Variants in ERICH6 observed in about 807,000 individuals in gnomAD.
ERICH6 encodes glutamate rich 6.
ERICH6 carries 71 observed loss-of-function variants against 71.0 expected under a neutral mutation model. The ratio of observed to expected loss-of-function variants is 1.00; its 90% CI spans 0.83 to 1.22. The LOEUF (loss-of-function observed/expected upper bound fraction) is 1.22, where lower values mean the gene tolerates loss of function less well. Among genes scored for constraint, ERICH6 ranks in the 50% most tolerant of loss-of-function variants. The pLI is 0.00. For missense variants in ERICH6, 808 were observed against 797.2 expected (o/e 1.01, Z -0.16); for synonymous variants, 262 against 278.4 (o/e 0.94, Z 0.59).
At chr3:150,685,898 T>C (rs1231118570) in intron 5 of ERICH6, 40 bp from the exon 6 acceptor site, 5 of 1,607,450 alleles carry the variant, frequency 3.1e-6, no homozygotes, top group Admixed American at 1.7e-5. Context: ...GGGGAAATAA[T>C]TGAAGATTTG....
intron 11 of ERICH6, among the ~76,000 whole-genome samples, chr3:150,671,775 G>A (rs1711503802): frequency 6.6e-6 from 1 of 152,120 alleles, no homozygotes; most frequent in Non-Finnish European, 1.5e-5. Context: ...CTACAGGTGT[G>A]CACCACAACA....
At chr3:150,688,309 A>C (rs1254175481) in intron 3 of ERICH6, among the ~76,000 whole-genome samples, 2 of 152,170 alleles carry the variant, frequency 1.3e-5, no homozygotes, top group African/African-American at 4.8e-5. Flanking sequence ...TATTTGTTAT[A>C]GGGAAGAGCT....
rs182012187 is a variant in ERICH6 at position 150,692,781 on chromosome 3, G to A, written c.553+6010C>T. Among the ~76,000 whole-genome samples the A allele has an allele frequency of 2.2e-3, 327 of 151,854 alleles. 1 individual carries two copies. Among genetic ancestry groups the A allele is most frequent in the Admixed American group, 3.6e-3 (55 of 15,252 alleles). ...TATGGCTGCCCTAAAACTTTTTGTC[G>A]TCCCCAGACAATTGTTATCTTGTTT... On this transcript the variant is annotated intron_variant, in intron 3 of 13. Transcript: ENST00000295910.
intron 6 of ERICH6, 57 bp downstream of exon 6, chr3:150,685,683 TTA>T: frequency 7.4e-7 from 1 of 1,357,234 alleles, no homozygotes; most frequent in African/African-American, 1.5e-5. Flanking sequence ...GTGCAAATCA[TTA>T]TGTTTTCTTA....
At chr3:150,664,638 C>A (rs764164014) in intron 13 of ERICH6, among the ~76,000 whole-genome samples, 32 of 147,644 alleles carry the variant, frequency 2.2e-4, no homozygotes, top group Non-Finnish European at 3.7e-4. Flanking sequence ...CAGAGCGAGA[C>A]TCCATCTGAA....
intron 11 of ERICH6, among the ~76,000 whole-genome samples, 173 bp from the exon 12 acceptor site, chr3:150,669,624 T>C (rs73003063): frequency 0.17 from 25,507 of 152,150 alleles, 2,255 homozygotes; most frequent in African/African-American, 0.22. Context: ...ACTCATGAGA[T>C]GCAAAAATCC....
At chr3:150,678,584 A>C in intron 9 of ERICH6, 30 bp from the exon 10 acceptor site, 3 of 1,525,288 alleles carry the variant, frequency 2.0e-6, no homozygotes, top group Non-Finnish European at 2.6e-6. Context: ...ATAGAAATAC[A>C]TATATGTTTT....
At chr3:150,664,158 A>T (rs187255208) in intron 13 of ERICH6, among the ~76,000 whole-genome samples, 7 of 152,238 alleles carry the variant, frequency 4.6e-5, no homozygotes, top group African/African-American at 1.7e-4. Flanking sequence ...TTCCAGGAAG[A>T]AGAGATCATC....
chr3:150,660,203 A>C, intron 13 of ERICH6, 48 bp from the exon 14 acceptor site: 2 of 1,588,542 alleles, frequency 1.3e-6, no homozygotes, highest in Non-Finnish European at 1.7e-6. Flanking sequence ...CAGAAGTGGA[A>C]CTGGGGAGGT....
Position 150,660,078 on chromosome 3 carries a change from CT to C in ERICH6, c.1805del (p.Lys602ArgfsTer13), listed in dbSNP as rs768267331. On this transcript the variant is annotated frameshift_variant, in exon 14 of 14. Coordinates refer to ENST00000295910, the MANE Select transcript of ERICH6 (RefSeq NM_152394.5). LOFTEE classifies it low-confidence loss of function (END_TRUNC). ...CAAGTTTATGAAACAGGCGACGGAT[CT>C]TTATTAAACTGGCCAGCAGAAGAAG... ...DDLLLLASLI[K>X]IRRLFHKLEG... 6.2e-7 allele frequency: 1 copy of C among 1,614,046 alleles called. No individual in the cohort carries two copies. The highest frequency in any genetic ancestry group is 8.5e-7 in the Non-Finnish European group (1 of 1,180,012).
intron 9 of ERICH6, among the ~76,000 whole-genome samples, chr3:150,679,729 C>T (rs1711820007): frequency 6.6e-6 from 1 of 152,082 alleles, no homozygotes; most frequent in Admixed American, 6.5e-5. Flanking sequence ...ACGATCCTGG[C>T]TTACTGCTAC....
intron 3 of ERICH6, among the ~76,000 whole-genome samples, chr3:150,686,714 G>T (rs1002932071): frequency 1.1e-4 from 17 of 152,052 alleles, no homozygotes; most frequent in South Asian, 4.1e-4. Context: ...CAGATAGAAG[G>T]TTCATTCTTA....
intron 3 of ERICH6, among the ~76,000 whole-genome samples, chr3:150,687,918 G>C (rs1712263611): frequency 6.6e-6 from 1 of 152,086 alleles, no homozygotes; most frequent in Non-Finnish European, 1.5e-5. Flanking sequence ...ATGAGTTTGA[G>C]AACAGCCTGA....
At chr3:150,669,526 G>T (rs1711497150) in intron 11 of ERICH6, 75 bp from the exon 12 acceptor site, 3 of 1,484,248 alleles carry the variant, frequency 2.0e-6, no homozygotes, top group South Asian at 2.5e-5. Context: ...ATTTATGAGA[G>T]AGCACTCTGA....
intron 6 of ERICH6, among the ~76,000 whole-genome samples, chr3:150,684,084 C>T (rs572341190): frequency 2.0e-5 from 3 of 152,206 alleles, no homozygotes; most frequent in African/African-American, 7.2e-5. Context: ...GAAGGTGCTA[C>T]ATTTAAATAA....
intron 6 of ERICH6, among the ~76,000 whole-genome samples, chr3:150,684,449 T>G (rs977773874): frequency 5.3e-5 from 8 of 152,182 alleles, no homozygotes; most frequent in African/African-American, 1.9e-4. Flanking sequence ...TCTCTACATG[T>G]GCATCCATGA....
At position 150,703,483 on chromosome 3, in the gene ERICH6, T is replaced by C. The variant is rs1400948803; in HGVS notation, c.403+13A>G. ...GAGAAACCCTCGAGGAAGGGGTGGG[T>C]CGGGGGCGGTACTTTTATGCGAGGA... On this transcript the variant is annotated intron_variant, in intron 1 of 13. Transcript: ENST00000295910. 2.6e-6 allele frequency: 4 copies of C among 1,566,372 alleles called. No individual in the cohort carries two copies. The East Asian group carries it at 9.0e-5, about 35-fold the overall frequency.
At chr3:150,692,364 G>T (rs1438862356) in intron 3 of ERICH6, among the ~76,000 whole-genome samples, 1 of 152,018 alleles carries the variant, frequency 6.6e-6, no homozygotes, top group Non-Finnish European at 1.5e-5. Context: ...TAAATGAAAT[G>T]ACTTATTTTA....
At chr3:150,694,547 C>A (rs1052302525) in intron 3 of ERICH6, among the ~76,000 whole-genome samples, 1 of 152,146 alleles carries the variant, frequency 6.6e-6, no homozygotes, top group African/African-American at 2.4e-5. Flanking sequence ...TATTCCCCTA[C>A]CTGCTCGTTT....
Sources: gnomAD v4.1 joint callset for allele counts (sites outside exome capture counted in the v4.1 genomes callset) on GRCh38, gnomAD v4.1.1 for gene constraint, MANE v1.5 for transcripts, NCBI Gene and HGNC (gene_info 2026-07-23, HGNC 2026-07-21) for gene names.